ATF6: variants seen among roughly 807,000 people sequenced by gnomAD.
ATF6 encodes the protein activating transcription factor 6, also known as cyclic AMP-dependent transcription factor ATF-6 alpha.
Under a neutral mutation model 83.6 loss-of-function variants are expected in ATF6, and 53 were observed. The ratio of observed to expected loss-of-function variants is 0.63; its 90% CI spans 0.51 to 0.80. The LOEUF is 0.80. Among genes scored for constraint, ATF6 ranks in the 30% least tolerant of loss-of-function variants. ATF6 has a pLI of 0.00. For missense variants in ATF6, 744 were observed against 797.9 expected (o/e 0.93, Z 0.81); for synonymous variants, 288 against 285.8 (o/e 1.01, Z -0.08).
rs1318267168 is a variant in ATF6 at position 161,959,011 on chromosome 1, C to T, written c.*357C>T. 1 of 175,614 alleles carries T rather than the reference C, an allele frequency of 5.7e-6. No individual in the cohort carries two copies. The highest frequency in any genetic ancestry group is 1.2e-5 in the Non-Finnish European group (1 of 83,006). The allele number at this position is 175,614 out of a possible 1,614,324, so 10.9% of individuals were successfully genotyped here. On this transcript the variant is annotated 3_prime_UTR_variant, in exon 16 of 16. Transcript: ENST00000367942. The stretch of plus-strand genomic sequence containing the variant: ...CTTCTTTTAAATAATATCCACCTCT[C>T]CTTTTTGCCATTTCACTTATTGATT...
At position 161,912,265 on chromosome 1, in the gene ATF6, T is replaced by C. The variant is rs775858842; in HGVS notation, c.1720-31T>C. 2.6e-6 allele frequency: 4 copies of C among 1,543,872 alleles called. No individual in the cohort carries two copies. The East Asian group carries it at 6.9e-5, about 27-fold the overall frequency. ...TGTTCTAGGACTAAGCCAATTGTTA[T>C]ATATAACAGATTGTTCTTTGTTAAT... On this transcript the variant is annotated intron_variant, in intron 14 of 15. Coordinates refer to ENST00000367942, the MANE Select transcript of ATF6 (RefSeq NM_007348.4).
intron 9 of ATF6, among the ~76,000 whole-genome samples, chr1:161,839,283 T>G (rs1265059181): frequency 6.6e-6 from 1 of 152,186 alleles, no homozygotes; most frequent in Non-Finnish European, 1.5e-5. Flanking sequence ...TATAAATTCT[T>G]TGGACAAAGG....
At chr1:161,864,912 A>G (rs1234474078) in intron 14 of ATF6, among the ~76,000 whole-genome samples, 1 of 152,244 alleles carries the variant, frequency 6.6e-6, no homozygotes, top group Admixed American at 6.5e-5. Context: ...AGTACTATGA[A>G]GAAGAAACCT....
At chr1:161,852,756 G>C (rs1045422975) in intron 11 of ATF6, among the ~76,000 whole-genome samples, 2 of 152,190 alleles carry the variant, frequency 1.3e-5, no homozygotes, top group Admixed American at 6.5e-5. Flanking sequence ...GGGACTACAG[G>C]CACATGCCAC....
intron 14 of ATF6, among the ~76,000 whole-genome samples, chr1:161,868,387 T>A (rs1204212991): frequency 7.9e-5 from 12 of 152,174 alleles, no homozygotes; most frequent in South Asian, 4.1e-4. Context: ...CTGTTTTTTT[T>A]AATTATTATT....
chr1:161,958,694 G>C lies in ATF6; in HGVS notation c.*40G>C, dbSNP rs76485377. On this transcript the variant is annotated 3_prime_UTR_variant, in exon 16 of 16. Transcript: ENST00000367942. ...GCTGGAAAACTGAGCGTGGGACCCTGCCAGACTGAAGAGCAGGTGAGCAAA... is the reference window on the plus strand; with the variant it reads ...GCTGGAAAACTGAGCGTGGGACCCTCCCAGACTGAAGAGCAGGTGAGCAAA... 12 of 1,535,530 alleles carry C rather than the reference G, an allele frequency of 7.8e-6. No homozygotes were observed. Among genetic ancestry groups the C allele is most frequent in the Non-Finnish European group, 1.1e-5 (12 of 1,134,560 alleles).
At chr1:161,911,675 G>C (rs568074398) in intron 14 of ATF6, among the ~76,000 whole-genome samples, 91 of 152,366 alleles carry the variant, frequency 6.0e-4, no homozygotes, top group African/African-American at 2.1e-3. Flanking sequence ...TCCCTTCAAA[G>C]GGAGAAGAGG....
At chr1:161,909,200 T>A (rs572582697) in intron 14 of ATF6, among the ~76,000 whole-genome samples, 1 of 152,230 alleles carries the variant, frequency 6.6e-6, no homozygotes, top group Non-Finnish European at 1.5e-5. Context: ...TGTCTCCTTC[T>A]GTCTTCTTGC....
chr1:161,889,430 C>T (rs1357760627), intron 14 of ATF6, among the ~76,000 whole-genome samples: 1 of 152,242 alleles, frequency 6.6e-6, no homozygotes, highest in African/African-American at 2.4e-5. Flanking sequence ...TAATAAACTT[C>T]CTGTAAGCAC....
At chr1:161,928,583 G>A (rs780953245) in intron 15 of ATF6, among the ~76,000 whole-genome samples, 2 of 151,612 alleles carry the variant, frequency 1.3e-5, no homozygotes, top group Non-Finnish European at 2.9e-5. Flanking sequence ...TGCAAAGTTT[G>A]CTTCCTTTTT....
chr1:161,879,888 C>A (rs554312034), intron 14 of ATF6, among the ~76,000 whole-genome samples: 16 of 152,048 alleles, frequency 1.1e-4, no homozygotes, highest in African/African-American at 3.9e-4. Flanking sequence ...TTAATAATGC[C>A]ATTTTGTTTT....
chr1:161,962,359 G>A lies in ATF6; in HGVS notation c.*3705G>A, dbSNP rs1689118051. On this transcript the variant is annotated 3_prime_UTR_variant, in exon 16 of 16. Coordinates refer to ENST00000367942, the MANE Select transcript of ATF6 (RefSeq NM_007348.4). ...CTTAGCCTGAACCTTCCTCCCCTGT[G>A]TGTATTCCCCGGTAGTCACCGCAGC... 6.6e-6 allele frequency: 1 copy of A among 152,156 alleles called. No homozygotes were observed. Among genetic ancestry groups the A allele is most frequent in the African/African-American group, 2.4e-5 (1 of 41,424 alleles). 9.4% of individuals were successfully genotyped at this position (152,156 alleles called of 1,614,324 possible).
At chr1:161,912,450 C>G (rs1272268048) in intron 15 of ATF6, 70 bp downstream of exon 15, 22 of 1,022,492 alleles carry the variant, frequency 2.2e-5, no homozygotes, top group Non-Finnish European at 3.2e-5. Flanking sequence ...TTCATTAGTT[C>G]AAAGACATTT....
intron 14 of ATF6, among the ~76,000 whole-genome samples, chr1:161,888,142 A>G (rs1182458395): frequency 6.6e-6 from 1 of 152,236 alleles, no homozygotes; most frequent in Non-Finnish European, 1.5e-5. Context: ...TGAATCCCCT[A>G]AAGGATTTCA....
At position 161,958,472 on chromosome 1, in the gene ATF6, G is replaced by A. The variant is rs757895672; in HGVS notation, c.1831G>A (p.Glu611Lys). The A allele has an allele frequency of 5.0e-6, 8 of 1,611,248 alleles. No homozygotes were observed. The highest frequency in any genetic ancestry group is 5.9e-6 in the Non-Finnish European group (7 of 1,178,394). ...GAATGTGATCAATGGGCAGGACTAC[G>A]AAGTGATGATGCAGATTGACTGTCA... is the stretch of plus-strand genomic sequence containing the variant. ...NENVINGQDY[E>K]VMMQIDCQVM... The change falls in exon 16 of 16, where the codon GAA (glutamate) becomes AAA (lysine). Residue 611 changes from glutamate to lysine, a missense_variant. Coordinates refer to ENST00000367942, the MANE Select transcript of ATF6 (RefSeq NM_007348.4).
At chr1:161,812,957 A>G (rs1011147883) in intron 7 of ATF6, among the ~76,000 whole-genome samples, 3 of 152,156 alleles carry the variant, frequency 2.0e-5, no homozygotes, top group Non-Finnish European at 4.4e-5. Flanking sequence ...GCTCAATTAT[A>G]ACTGGTCTTC....
chr1:161,926,531 A>C (rs1001266270), intron 15 of ATF6, among the ~76,000 whole-genome samples: 1 of 152,198 alleles, frequency 6.6e-6, no homozygotes, highest in Non-Finnish European at 1.5e-5. Context: ...GTGAGAAAGC[A>C]AGTGAGTAAG....
At chr1:161,820,948 A>C in intron 8 of ATF6, 122 bp from the exon 9 acceptor site, 1 of 510,384 alleles carries the variant, frequency 2.0e-6, no homozygotes, top group Non-Finnish European at 3.3e-6. Flanking sequence ...TTTAAATAAG[A>C]CAAGGTATTT....
chr1:161,961,690 A>T lies in ATF6; in HGVS notation c.*3036A>T, dbSNP rs1232904425. On this transcript the variant is annotated 3_prime_UTR_variant, in exon 16 of 16. Transcript: ENST00000367942. ...CAGGATTGTGCAAGCTTATGAGACA[A>T]TTAGATAAACTCATGGAGGAGGCAG... The T allele has an allele frequency of 6.6e-6, 1 of 152,024 alleles. No individual in the cohort carries two copies. The highest frequency in any genetic ancestry group is 1.5e-5 in the Non-Finnish European group (1 of 68,012). The allele number at this position is 152,024 out of a possible 1,614,324, so 9.4% of individuals were successfully genotyped here.
Sources: gnomAD v4.1 joint callset for allele counts (sites outside exome capture counted in the v4.1 genomes callset) on GRCh38, gnomAD v4.1.1 for gene constraint, MANE v1.5 for transcripts, NCBI Gene and HGNC (gene_info 2026-07-23, HGNC 2026-07-21) for gene names.